Variants in SPMIP2 observed in about 807,000 individuals in gnomAD.
SPMIP2 encodes the protein protein SPMIP2.
the SPMIP2 span, among the ~76,000 whole-genome samples, chr4:158,977,123 G>A: frequency 6.6e-6 from 1 of 152,154 alleles, no homozygotes; most frequent in Admixed American, 6.5e-5. Flanking sequence ...ATGAGTTAAG[G>A]AGGAGTCCCT....
chr4:158,903,094 G>A, the SPMIP2 span, among the ~76,000 whole-genome samples: 1 of 152,210 alleles, frequency 6.6e-6, no homozygotes, highest in Non-Finnish European at 1.5e-5. Flanking sequence ...TTTTGTGCTT[G>A]AAACCCAGGG....
chr4:158,901,633 C>T, the SPMIP2 span, among the ~76,000 whole-genome samples: 51 of 152,016 alleles, frequency 3.4e-4, no homozygotes, highest in African/African-American at 1.2e-3. Context: ...ACCAATCAAA[C>T]GTAGATTTGG....
chr4:159,041,742 T>C, the SPMIP2 span, among the ~76,000 whole-genome samples: 3 of 152,242 alleles, frequency 2.0e-5, no homozygotes, highest in African/African-American at 7.2e-5. Flanking sequence ...TTTAATTTTC[T>C]GGTGAAGCCT....
the SPMIP2 span, among the ~76,000 whole-genome samples, chr4:158,978,674 C>T: frequency 6.6e-6 from 1 of 152,002 alleles, no homozygotes; most frequent in Non-Finnish European, 1.5e-5. Context: ...TTTGTAATGC[C>T]CTTCTTTGTC....
the SPMIP2 span, among the ~76,000 whole-genome samples, chr4:159,053,019 G>C: frequency 2.3e-5 from 3 of 132,916 alleles, no homozygotes; most frequent in Admixed American, 1.5e-4. Flanking sequence ...TGCAGTGGCG[G>C]GATCTCGGCT....
chr4:159,026,142 T>C, the SPMIP2 span: 1 of 343,538 alleles, frequency 2.9e-6, no homozygotes, highest in East Asian at 6.9e-5. Flanking sequence ...GTTCAGCAGA[T>C]GGAAGATGAT....
chr4:158,928,650 A>G, the SPMIP2 span, among the ~76,000 whole-genome samples: 3 of 152,212 alleles, frequency 2.0e-5, no homozygotes, highest in Admixed American at 6.5e-5. Flanking sequence ...CAGAGCCAGC[A>G]GTGGCAACCC....
chr4:159,000,494 C>G, the SPMIP2 span, among the ~76,000 whole-genome samples: 1 of 130,006 alleles, frequency 7.7e-6, no homozygotes, highest in South Asian at 2.5e-4. Context: ...TCTTCTTCTT[C>G]TTTTTTTTTT....
the SPMIP2 span, among the ~76,000 whole-genome samples, chr4:158,924,457 G>A: frequency 2.6e-5 from 4 of 152,156 alleles, no homozygotes; most frequent in South Asian, 8.3e-4. Context: ...TCTGCTTACT[G>A]CAACCTCTGC....
At chr4:158,905,296 A>G in the SPMIP2 span, 3 of 152,212 alleles carry the variant, frequency 2.0e-5, no homozygotes, top group South Asian at 6.2e-4. Context: ...TGTAGCAGCA[A>G]AGTGTACAGT....
At chr4:158,895,685 G>A in the SPMIP2 span, 8 of 981,304 alleles carry the variant, frequency 8.2e-6, no homozygotes, top group Non-Finnish European at 1.1e-5. Flanking sequence ...AGAAAATTCT[G>A]ACTCTTAAAA....
At chr4:159,034,327 G>C in the SPMIP2 span, among the ~76,000 whole-genome samples, 1 of 152,118 alleles carries the variant, frequency 6.6e-6, no homozygotes, top group African/African-American at 2.4e-5. Context: ...TGCATATCCT[G>C]CTCAAATTTT....
At chr4:159,035,536 A>G in the SPMIP2 span, among the ~76,000 whole-genome samples, 1 of 152,238 alleles carries the variant, frequency 6.6e-6, no homozygotes, top group Non-Finnish European at 1.5e-5. Context: ...AATATATTTG[A>G]CAAACACTGG....
chr4:158,977,625 T>G, the SPMIP2 span, among the ~76,000 whole-genome samples: 4 of 104,336 alleles, frequency 3.8e-5, no homozygotes, highest in Admixed American at 1.1e-4. Context: ...TTTTTTTTTT[T>G]TCTCTTTGAG....
At chr4:158,952,246 A>G in the SPMIP2 span, among the ~76,000 whole-genome samples, 1 of 152,208 alleles carries the variant, frequency 6.6e-6, no homozygotes, top group African/African-American at 2.4e-5. Flanking sequence ...GAAAGATGAT[A>G]TGGTTTGGCT....
At chr4:158,976,659 ATTTTTT>A in the SPMIP2 span, among the ~76,000 whole-genome samples, 19,002 of 94,634 alleles carry the variant, frequency 0.2, 1,257 homozygotes, top group East Asian at 0.41. Flanking sequence ...ATGGATAAGC[ATTTTTT>A]TTTTTTTTTT....
the SPMIP2 span, among the ~76,000 whole-genome samples, chr4:159,021,610 G>T: frequency 0.014 from 2,070 of 152,320 alleles, 26 homozygotes; most frequent in Middle Eastern, 0.048. Flanking sequence ...AGAAGCAGAA[G>T]TAGAATCAAT....
chr4:158,960,378 C>G, the SPMIP2 span: 1 of 1,338,110 alleles, frequency 7.5e-7, no homozygotes, highest in Admixed American at 2.0e-5. Flanking sequence ...TACCATAATT[C>G]CAAAGTAAAG....
chr4:158,898,600 A>G, the SPMIP2 span, among the ~76,000 whole-genome samples: 47 of 152,266 alleles, frequency 3.1e-4, no homozygotes, highest in East Asian at 1.9e-3. Flanking sequence ...CTTTGTAGCA[A>G]TTGTGAATAG....
Sources: allele counts gnomAD v4.1 joint callset (sites outside exome capture counted in the v4.1 genomes callset), GRCh38; gene constraint gnomAD v4.1.1; transcripts MANE v1.5; gene names NCBI Gene and HGNC (gene_info 2026-07-23, HGNC 2026-07-21).